The following CD244 variants were observed in gnomAD, a reference collection of about 807,000 sequenced individuals.
CD244 encodes natural killer cell receptor 2B4.
In CD244, 20 loss-of-function variants were observed where a neutral mutation model predicts 45.5. The ratio of observed to expected loss-of-function variants is 0.44; its 90% CI spans 0.31 to 0.64. The LOEUF (loss-of-function observed/expected upper bound fraction) is 0.64. CD244 is among the 30% of genes least tolerant of loss of function. The pLI is 0.08. For synonymous variants in CD244, 185 were observed against 160.5 expected, an observed-to-expected ratio of 1.15 and a Z score of -1.15; for missense variants, 407 against 426.9, an observed-to-expected ratio of 0.95 and a Z score of 0.41.
chr1:160,843,415 A>G (rs1239880727), intron 1 of CD244, among the ~76,000 whole-genome samples: 1 of 152,226 alleles, frequency 6.6e-6, no homozygotes, highest in Non-Finnish European at 1.5e-5. Flanking sequence ...AATGGAAAAA[A>G]TCATTACTAA....
chr1:160,840,660 T>C (rs1669508258), intron 3 of CD244, among the ~76,000 whole-genome samples: 1 of 152,190 alleles, frequency 6.6e-6, no homozygotes. Flanking sequence ...TTTTTTCCTA[T>C]AATGCCCATG....
At chr1:160,836,822 G>A (rs552725023) in intron 5 of CD244, among the ~76,000 whole-genome samples, 6 of 152,164 alleles carry the variant, frequency 3.9e-5, no homozygotes, top group African/African-American at 7.2e-5. Context: ...TCATGCTGCC[G>A]GCCACTGAAA....
chr1:160,836,227 C>A lies in CD244; in HGVS notation c.862G>T (p.Gly288Trp). 6.2e-7 allele frequency: 1 copy of A among 1,613,904 alleles called. No homozygotes were observed. The change falls in exon 6 of 9, where the codon GGG becomes TGG. Residue 288 changes from glycine (G) to tryptophan (W), a missense_variant. By Grantham distance (184) the Gly-to-Trp change is radical. Transcript: ENST00000368034. Reference sequence around the variant, plus strand: ...TGGATCATAGAGTAGATGGTGCTCCCCCCTCCAGGAAAAGTCTGCTCCTGC... The same window carrying A: ...TGGATCATAGAGTAGATGGTGCTCCACCCTCCAGGAAAAGTCTGCTCCTGC... The part of the protein sequence containing the change: ...HEQEQTFPGG[G>W]STIYSMIQSQ...
At chr1:160,836,045 A>G (rs1669319786) in intron 6 of CD244, 150 bp downstream of exon 6, 8 of 656,380 alleles carry the variant, frequency 1.2e-5, no homozygotes, top group Non-Finnish European at 1.9e-5. Context: ...ATCTTTTCAA[A>G]TAATGTGTTA....
chr1:160,840,903 AG>A (rs887121528), intron 3 of CD244, among the ~76,000 whole-genome samples: 2 of 152,230 alleles, frequency 1.3e-5, no homozygotes, highest in African/African-American at 4.8e-5. Flanking sequence ...AGCCTCTCCC[AG>A]GAAGAAAATA....
chr1:160,848,323 C>A, intron 1 of CD244: 1 of 593,040 alleles, frequency 1.7e-6, no homozygotes, highest in Non-Finnish European at 3.2e-6. Context: ...ATGCTGGACC[C>A]AACACAAATA....
intron 1 of CD244, among the ~76,000 whole-genome samples, chr1:160,854,434 GT>G (rs1391379144): frequency 6.6e-6 from 1 of 152,170 alleles, no homozygotes; most frequent in Non-Finnish European, 1.5e-5. Flanking sequence ...CCAGACTGGT[GT>G]GCAGTGGCAT....
At chr1:160,862,586 C>T (rs1389900272) in intron 1 of CD244, 31 bp downstream of exon 1, 4 of 1,606,912 alleles carry the variant, frequency 2.5e-6, no homozygotes, top group Admixed American at 3.3e-5. Context: ...CTAGTCCCTC[C>T]CTCGCCCCAC....
At position 160,836,035 on chromosome 1, in the gene CD244, ATCT is replaced by A. The variant is rs575556564; in HGVS notation, c.894+157_894+159del. ...GTTAAGATGCTCTAGTATCACACGGATCTTTTCAAATAATGTGTTAATGCAACT... is the reference window on the plus strand; with the variant it reads ...GTTAAGATGCTCTAGTATCACACGGATTTCAAATAATGTGTTAATGCAACT... On this transcript the variant is annotated intron_variant, in intron 6 of 8. Coordinates refer to ENST00000368034, the MANE Select transcript of CD244 (RefSeq NM_016382.4). Among the ~76,000 whole-genome samples, 1,072 of 152,300 alleles carry A rather than the reference ATCT, an allele frequency of 7.0e-3. 11 individuals carry two copies. Among genetic ancestry groups the A allele is most frequent in the African/African-American group, 0.025 (1,024 of 41,540 alleles).
chr1:160,851,494 G>A (rs1195300706), intron 1 of CD244, among the ~76,000 whole-genome samples: 1 of 151,382 alleles, frequency 6.6e-6, no homozygotes, highest in African/African-American at 2.4e-5. Context: ...ATATCTATAA[G>A]GAAAAAAAAC....
chr1:160,850,097 ATTAT>A (rs1484278560), intron 1 of CD244, among the ~76,000 whole-genome samples: 1 of 152,218 alleles, frequency 6.6e-6, no homozygotes, highest in African/African-American at 2.4e-5. Flanking sequence ...TATATGAAAA[ATTAT>A]TTGAGTGTAG....
chr1:160,831,264 TAG>T lies in CD244; in HGVS notation c.*81_*82del. ...CCTCTCCAGACTAGGAACTGTTCTATAGAGACTCCTGTGCCGTCATCCACTGT... is the reference window on the plus strand; with the variant it reads ...CCTCTCCAGACTAGGAACTGTTCTATAGACTCCTGTGCCGTCATCCACTGT... On this transcript the variant is annotated 3_prime_UTR_variant, in exon 9 of 9. Transcript: ENST00000368034. 4 of 975,312 alleles carry T rather than the reference TAG, an allele frequency of 4.1e-6. No individual in the cohort carries two copies. The highest frequency in any genetic ancestry group is 4.9e-6 in the Non-Finnish European group (3 of 606,144). 60.4% of individuals were successfully genotyped at this position (975,312 alleles called of 1,614,324 possible).
chr1:160,861,856 A>G (rs1670321141), intron 1 of CD244, among the ~76,000 whole-genome samples: 1 of 152,150 alleles, frequency 6.6e-6, no homozygotes, highest in Non-Finnish European at 1.5e-5. Context: ...ATAAATAAAT[A>G]AAAATTAAAA....
intron 1 of CD244, among the ~76,000 whole-genome samples, chr1:160,848,873 C>T (rs1413072056): frequency 6.6e-6 from 1 of 151,906 alleles, no homozygotes; most frequent in Admixed American, 6.5e-5. Context: ...TTATAATAGA[C>T]CAGCAAACAT....
In CD244 at chr1:160,850,778, C is replaced by CTT. The variant is rs564651657; in HGVS notation, c.62-8879_62-8878dup. On this transcript the variant is annotated intron_variant, in intron 1 of 8. Transcript: ENST00000368034. ...CCACGTGCCAAGCAAGCAATCAGCT[C>CTT]TTCAGTGGACACCAACTGGATGTCC... Among the ~76,000 whole-genome samples, 458 of 152,302 alleles carry CTT rather than the reference C, an allele frequency of 3.0e-3. 1 individual carries two copies. The highest frequency in any genetic ancestry group is 0.014 in the Middle Eastern group (4 of 294).
At chr1:160,836,170 T>G (rs753962633) in intron 6 of CD244, 25 bp downstream of exon 6, 8 of 1,586,502 alleles carry the variant, frequency 5.0e-6, no homozygotes, top group South Asian at 1.1e-5. Context: ...AGGTATGGAA[T>G]GGACTAGAGA....
intron 1 of CD244, among the ~76,000 whole-genome samples, chr1:160,860,140 A>G (rs896157190): frequency 6.6e-6 from 1 of 152,136 alleles, no homozygotes; most frequent in Admixed American, 6.5e-5. Flanking sequence ...CCGGGGGAGC[A>G]GAAGTTGCAG....
At chr1:160,848,035 T>A (rs750733633) in intron 1 of CD244, 13 of 324,672 alleles carry the variant, frequency 4.0e-5, no homozygotes, top group South Asian at 3.3e-4. Flanking sequence ...TGTTCATTAA[T>A]ATAGCAGTTG....
At position 160,841,483 on chromosome 1, in the gene CD244, T is replaced by C. The variant is rs1290432351; in HGVS notation, c.382A>G (p.Lys128Glu). 6.2e-7 allele frequency: 1 copy of C among 1,613,970 alleles called. No homozygotes were observed. Among genetic ancestry groups the C allele is most frequent in the Admixed American group, 1.7e-5 (1 of 60,018 alleles). Residue 128 changes from lysine to glutamate, a missense_variant and splice_region_variant, in exon 3 of 9, where the codon AAA becomes GAA. Coordinates refer to ENST00000368034, the MANE Select transcript of CD244 (RefSeq NM_016382.4). ...CCCTGTAGGCGGGGTTTCTCAACTT[T>C]ATCTGGAAGCAGAGATTCTGATCAG... ...TATFQVFVFD[K>E]VEKPRLQGQG... is the part of the protein sequence containing the mutation.
Sources: allele counts gnomAD v4.1 joint callset (sites outside exome capture counted in the v4.1 genomes callset), GRCh38; gene constraint gnomAD v4.1.1; transcripts MANE v1.5; gene names NCBI Gene and HGNC (gene_info 2026-07-23, HGNC 2026-07-21).